Variants in PCDH15 observed in about 807,000 individuals in gnomAD.
PCDH15 encodes the protein protocadherin related 15.
A neutral mutation model predicts 178.5 loss-of-function variants in PCDH15; 129 were observed. The ratio of observed to expected loss-of-function variants is 0.72; its 90% CI spans 0.63 to 0.84. The LOEUF is 0.84. Ranked by LOEUF, PCDH15 falls within the 40% of genes least tolerant of loss-of-function variation. PCDH15 has a pLI of 0.00. For synonymous variants in PCDH15, 800 were observed against 732.0 expected (o/e 1.09, Z -1.50); for missense variants, 2,230 against 2,099.9 (o/e 1.06, Z -1.21).
intron 14 of PCDH15, among the ~76,000 whole-genome samples, chr10:54,136,330 A>G (rs1322580230): frequency 6.6e-6 from 1 of 152,132 alleles, no homozygotes; most frequent in Non-Finnish European, 1.5e-5. Flanking sequence ...ACCTCAGGAG[A>G]AAAACTCTAC....
intron 2 of PCDH15, chr10:55,575,772 A>G (rs1842485674): frequency 6.6e-6 from 1 of 152,226 alleles, no homozygotes; most frequent in African/African-American, 2.4e-5. Context: ...GAAATTCACG[A>G]ACAATTCCCT....
Position 53,822,190 on chromosome 10 carries a change from C to T in PCDH15, c.4368-1960G>A, listed in dbSNP as rs1292064775. The T allele has an allele frequency of 1.9e-6, 3 of 1,613,860 alleles. No individual in the cohort carries two copies. The East Asian group carries it at 6.7e-5, about 36-fold the overall frequency. On this transcript the variant is annotated intron_variant, in intron 32 of 37. Transcript: ENST00000644397. ...GGCATCAAGTTGGTCGTGCATTTAACACCTGTTATACAGACACACTCTGTG... is the reference window on the plus strand; with the variant it reads ...GGCATCAAGTTGGTCGTGCATTTAATACCTGTTATACAGACACACTCTGTG...
intron 22 of PCDH15, among the ~76,000 whole-genome samples, chr10:53,961,521 A>G (rs979453555): frequency 9.9e-5 from 15 of 152,062 alleles, no homozygotes; most frequent in South Asian, 2.1e-4. Flanking sequence ...ATGAAATGTC[A>G]TCATGAGGAT....
At chr10:53,882,392 T>C (rs563862322) in intron 26 of PCDH15, among the ~76,000 whole-genome samples, 1 of 152,188 alleles carries the variant, frequency 6.6e-6, no homozygotes, top group Non-Finnish European at 1.5e-5. Flanking sequence ...CTCTCTCAAA[T>C]GTCTTTTTCT....
chr10:55,556,804 G>A (rs1001801990), intron 2 of PCDH15, among the ~76,000 whole-genome samples: 5 of 152,154 alleles, frequency 3.3e-5, no homozygotes, highest in African/African-American at 1.2e-4. Context: ...TCGCACCACT[G>A]TACTCTATCG....
At chr10:54,060,531 CATAT>C (rs1311482610) in intron 18 of PCDH15, among the ~76,000 whole-genome samples, 4 of 152,080 alleles carry the variant, frequency 2.6e-5, no homozygotes, top group African/African-American at 9.7e-5. Flanking sequence ...TAAACCTGTA[CATAT>C]ATTATGTGTA....
chr10:54,195,738 CTG>C lies in PCDH15; in HGVS notation c.1248_1249del (p.Asp416GlufsTer31). The C allele has an allele frequency of 1.2e-6, 2 of 1,614,088 alleles. No homozygotes were observed. The highest frequency in any genetic ancestry group is 1.7e-6 in the Non-Finnish European group (2 of 1,180,000). On this transcript the variant is annotated frameshift_variant, in exon 11 of 38. Transcript: ENST00000644397. LOFTEE classifies it high-confidence loss of function. ...TCTTAAAGGTGAAGTCAAATTGAGA[CTG>C]TCCGAAATGGTTGCTCCCACTGGGG...
chr10:55,349,208 T>A (rs971268867), intron 2 of PCDH15, among the ~76,000 whole-genome samples: 1 of 152,110 alleles, frequency 6.6e-6, no homozygotes, highest in Non-Finnish European at 1.5e-5. Flanking sequence ...TTATTTCTGT[T>A]GAGGTGTGAA....
In PCDH15 at chr10:53,806,781, G is replaced by C. The variant is rs776672275; in HGVS notation, c.5021C>G (p.Ala1674Gly). ...ATTGTCAGTCCCCACAGGGCAAGGGGCAAATGTAACCAGAGTTGGTCTTGC... is the reference window on the plus strand; with the variant it reads ...ATTGTCAGTCCCCACAGGGCAAGGGCCAAATGTAACCAGAGTTGGTCTTGC... ...MNARPTLVTF[A>G]PCPVGTDNTA... is the part of the protein sequence containing the mutation. The change falls in exon 38 of 38, where the codon GCC becomes GGC. Residue 1674 changes from alanine (A) to glycine (G), a missense_variant. By Grantham distance (60) the Ala-to-Gly change is moderately conservative. Transcript: ENST00000644397. 1.9e-6 allele frequency: 3 copies of C among 1,613,838 alleles called. No individual in the cohort carries two copies. The South Asian group carries it at 3.3e-5, about 18-fold the overall frequency.
intron 1 of PCDH15, among the ~76,000 whole-genome samples, chr10:54,753,329 G>A (rs942998776): frequency 6.6e-6 from 1 of 151,946 alleles, no homozygotes; most frequent in Admixed American, 6.6e-5. Context: ...AATTACAGGC[G>A]CATACACCAT....
At chr10:54,830,468 G>T (rs1222946018) in intron 3 of PCDH15, among the ~76,000 whole-genome samples, 1 of 151,876 alleles carries the variant, frequency 6.6e-6, no homozygotes, top group African/African-American at 2.4e-5. Flanking sequence ...ATCATTCTCA[G>T]CAAACTATCG....
chr10:54,968,162 A>T (rs1200434642), intron 2 of PCDH15, among the ~76,000 whole-genome samples: 1 of 152,160 alleles, frequency 6.6e-6, no homozygotes, highest in Non-Finnish European at 1.5e-5. Flanking sequence ...ATATATGTAC[A>T]TAACTGTTCA....
At chr10:54,876,350 C>G (rs1954143550) in intron 3 of PCDH15, among the ~76,000 whole-genome samples, 1 of 152,138 alleles carries the variant, frequency 6.6e-6, no homozygotes, top group Non-Finnish European at 1.5e-5. Flanking sequence ...AATGCCAATG[C>G]AATATCCATT....
intron 8 of PCDH15, among the ~76,000 whole-genome samples, chr10:54,314,844 A>G (rs1200450674): frequency 6.6e-6 from 1 of 152,100 alleles, no homozygotes; most frequent in Non-Finnish European, 1.5e-5. Flanking sequence ...CACTCCATCT[A>G]TGTTCCCGCA....
chr10:55,544,424 T>C (rs1259455603), intron 2 of PCDH15, among the ~76,000 whole-genome samples: 1 of 151,882 alleles, frequency 6.6e-6, no homozygotes, highest in East Asian at 1.9e-4. Flanking sequence ...AGGCACACAT[T>C]AATATATCTG....
intron 14 of PCDH15, among the ~76,000 whole-genome samples, chr10:54,135,860 GAAT>G (rs1347969921): frequency 1.3e-5 from 2 of 152,108 alleles, no homozygotes; most frequent in Admixed American, 1.3e-4. Context: ...TAATAAGTGG[GAAT>G]AATAATAACA....
chr10:53,918,355 C>A (rs1265853603), intron 25 of PCDH15, among the ~76,000 whole-genome samples: 4 of 152,088 alleles, frequency 2.6e-5, no homozygotes, highest in Non-Finnish European at 5.9e-5. Context: ...GACTTCATTC[C>A]CAGGCATGGT....
chr10:54,931,730 A>G (rs2131853739), intron 2 of PCDH15, among the ~76,000 whole-genome samples: 1 of 152,206 alleles, frequency 6.6e-6, no homozygotes, highest in South Asian at 2.1e-4. Context: ...TTTATAATAA[A>G]CCATTAATAC....
intron 2 of PCDH15, among the ~76,000 whole-genome samples, chr10:55,085,716 A>T (rs975013996): frequency 6.6e-6 from 1 of 151,940 alleles, no homozygotes; most frequent in Non-Finnish European, 1.5e-5. Context: ...ATATAGTCAA[A>T]TTAAGTGAAT....
Sources: allele counts gnomAD v4.1 joint callset (sites outside exome capture counted in the v4.1 genomes callset), GRCh38; gene constraint gnomAD v4.1.1; transcripts MANE v1.5; gene names NCBI Gene and HGNC (gene_info 2026-07-23, HGNC 2026-07-21).